The following MEGF11 variants were observed in gnomAD, a reference collection of about 807,000 sequenced individuals.
The protein encoded by MEGF11 is multiple EGF like domains 11.
In MEGF11, 126 loss-of-function variants were observed where a neutral mutation model predicts 146.6. That is an observed-to-expected ratio of 0.86 (90% confidence interval 0.74 to 1.00). The LOEUF (loss-of-function observed/expected upper bound fraction) is 1.00. MEGF11 is among the 50% of genes least tolerant of loss of function. The pLI is 0.00. For synonymous variants in MEGF11, 532 were observed against 583.4 expected (o/e 0.91, Z 1.27); for missense variants, 1,509 against 1,521.2 (o/e 0.99, Z 0.13).
intron 1 of MEGF11, among the ~76,000 whole-genome samples, chr15:66,165,407 C>T (rs902728618): frequency 2.6e-5 from 4 of 152,204 alleles, no homozygotes; most frequent in Admixed American, 1.3e-4. Flanking sequence ...CCTTGTCAAA[C>T]AGCTTCAGAC....
At chr15:66,252,238 ACC>A (rs1202283599) in intron 1 of MEGF11, among the ~76,000 whole-genome samples, 2 of 63,232 alleles carry the variant, frequency 3.2e-5, no homozygotes, top group East Asian at 5.5e-4. Flanking sequence ...CCCACCCCCC[ACC>A]CCCCACCGGC....
At chr15:66,052,088 G>A (rs959445763) in intron 5 of MEGF11, among the ~76,000 whole-genome samples, 23 of 152,208 alleles carry the variant, frequency 1.5e-4, no homozygotes, top group African/African-American at 5.5e-4. Flanking sequence ...TGAGATTTAT[G>A]TGGGTAGGGG....
intron 1 of MEGF11, among the ~76,000 whole-genome samples, chr15:66,240,033 C>T (rs2092177962): frequency 6.6e-6 from 1 of 152,200 alleles, no homozygotes; most frequent in South Asian, 2.1e-4. Context: ...CTGGCATTCG[C>T]TTTTCCTCCC....
intron 5 of MEGF11, among the ~76,000 whole-genome samples, chr15:66,031,039 T>A (rs552839071): frequency 1.3e-5 from 2 of 152,298 alleles, no homozygotes; most frequent in East Asian, 3.9e-4. Context: ...ATCAGCCTGA[T>A]AGGATAAAGC....
At chr15:66,125,181 C>A (rs1349895563) in intron 2 of MEGF11, among the ~76,000 whole-genome samples, 1 of 152,166 alleles carries the variant, frequency 6.6e-6, no homozygotes, top group Non-Finnish European at 1.5e-5. Flanking sequence ...GTGGGAAATT[C>A]TGTTTCTCTG....
intron 5 of MEGF11, among the ~76,000 whole-genome samples, chr15:66,082,112 CT>C (rs1355964635): frequency 3.3e-5 from 5 of 152,122 alleles, no homozygotes; most frequent in Admixed American, 6.5e-5. Flanking sequence ...GCTAAGGCAA[CT>C]TCCACCCCTT....
intron 24 of MEGF11, chr15:65,905,840 T>TA: frequency 2.5e-6 from 1 of 407,312 alleles, no homozygotes. Context: ...TTGGCATCTA[T>TA]AAAAAACCCA....
chr15:66,008,362 G>A (rs948721593), intron 5 of MEGF11, among the ~76,000 whole-genome samples: 2 of 151,602 alleles, frequency 1.3e-5, no homozygotes, highest in African/African-American at 4.9e-5. Context: ...TGAGCACTGT[G>A]CTAAGTACTA....
At chr15:66,091,854 A>G (rs530366763) in intron 5 of MEGF11, among the ~76,000 whole-genome samples, 75 of 152,358 alleles carry the variant, frequency 4.9e-4, no homozygotes, top group Non-Finnish European at 8.2e-4. Context: ...AGTCCCGATG[A>G]CATCAGGTGA....
At chr15:66,094,330 G>A in intron 5 of MEGF11, 72 bp downstream of exon 5, 8 of 1,308,870 alleles carry the variant, frequency 6.1e-6, no homozygotes, top group East Asian at 2.5e-5. Flanking sequence ...AATGTAGCAT[G>A]CACACACCAC....
chr15:65,949,921 T>C (rs1285548612), intron 10 of MEGF11, among the ~76,000 whole-genome samples: 1 of 152,112 alleles, frequency 6.6e-6, no homozygotes, highest in East Asian at 1.9e-4. Flanking sequence ...TCTTCCCCCG[T>C]GTGAGCAGGA....
At chr15:66,017,791 G>T (rs1357634766) in intron 5 of MEGF11, among the ~76,000 whole-genome samples, 1 of 152,212 alleles carries the variant, frequency 6.6e-6, no homozygotes, top group Non-Finnish European at 1.5e-5. Flanking sequence ...GAGCACTGTG[G>T]CCTAAGAGTG....
Position 65,922,420 on chromosome 15 carries a change from G to A in MEGF11, c.1875C>T (p.Cys625=), listed in dbSNP as rs146260891. Residue 625 remains cysteine, a synonymous_variant, in exon 15 of 26, where the codon TGC becomes TGT. Transcript: ENST00000395614. ...GGTGGCAGGGCCTGCTGCTGTGCAC[G>A]CAGAGGGGGCATGGCTGGGCGCAGC... ...GHGCAQPCPL[C]VHSSRPCHHI... 8.8e-6 allele frequency: 14 copies of A among 1,590,870 alleles called. No individual in the cohort carries two copies. In the African/African-American group the frequency reaches 1.6e-4, roughly 18 times the overall value.
chr15:66,235,341 A>C (rs1011629997), intron 1 of MEGF11, among the ~76,000 whole-genome samples: 3 of 152,040 alleles, frequency 2.0e-5, no homozygotes, highest in Admixed American at 1.3e-4. Context: ...ATCTCTATAA[A>C]AAATTTTAAA....
At chr15:66,087,818 A>T (rs1216719761) in intron 5 of MEGF11, among the ~76,000 whole-genome samples, 1 of 152,202 alleles carries the variant, frequency 6.6e-6, no homozygotes, top group Non-Finnish European at 1.5e-5. Flanking sequence ...AATAGCCAAG[A>T]TCAGAGCATA....
chr15:65,914,209 A>G, intron 19 of MEGF11: 1 of 568,226 alleles, frequency 1.8e-6, no homozygotes, highest in South Asian at 2.5e-5. Flanking sequence ...GTGAAACAAT[A>G]AATATTATTT....
chr15:65,922,986 G>T lies in MEGF11; in HGVS notation c.1676-17C>A. ...AGCGGATGCCTGTGGGCCAGAGGCA[G>T]ACTCGGGTCAGTGGTAAGAGAGGTG... is the stretch of plus-strand genomic sequence containing the variant. On this transcript the variant is annotated splice_polypyrimidine_tract_variant and intron_variant, in intron 13 of 25. Coordinates refer to ENST00000395614, the MANE Select transcript of MEGF11 (RefSeq NM_001385028.1). 1 of 1,610,896 alleles carries T rather than the reference G, an allele frequency of 6.2e-7. No individual in the cohort carries two copies. The highest frequency in any genetic ancestry group is 8.5e-7 in the Non-Finnish European group (1 of 1,178,936).
chr15:66,062,818 C>G (rs1156533384), intron 5 of MEGF11, among the ~76,000 whole-genome samples: 1 of 152,160 alleles, frequency 6.6e-6, no homozygotes, highest in East Asian at 1.9e-4. Context: ...GCCAAAGGCC[C>G]TAAGGCAGGA....
chr15:66,200,579 G>A (rs1390650809), intron 1 of MEGF11, among the ~76,000 whole-genome samples: 1 of 152,136 alleles, frequency 6.6e-6, no homozygotes, highest in Admixed American at 6.5e-5. Flanking sequence ...GTTCCAGGGA[G>A]GTGACAGGAA....
Sources: gnomAD v4.1 joint callset for allele counts (sites outside exome capture counted in the v4.1 genomes callset) on GRCh38, gnomAD v4.1.1 for gene constraint, MANE v1.5 for transcripts, NCBI Gene and HGNC (gene_info 2026-07-23, HGNC 2026-07-21) for gene names.